The following LPP variants were observed in gnomAD, a reference collection of about 807,000 sequenced individuals.
The protein encoded by LPP is LIM domain containing preferred translocation partner in lipoma.
Under a neutral mutation model 60.4 loss-of-function variants are expected in LPP, and 38 were observed. That is an observed-to-expected ratio of 0.63 (90% CI 0.49 to 0.83). The LOEUF (loss-of-function observed/expected upper bound fraction) is 0.83, where lower values mean the gene tolerates loss of function less well. Among genes scored for constraint, LPP ranks in the 40% least tolerant of loss-of-function variants. The pLI, the probability that LPP is intolerant of heterozygous loss-of-function variation, is 0.00. For synonymous variants in LPP, 328 were observed against 290.8 expected, an observed-to-expected ratio of 1.13 and a Z score of -1.30; for missense variants, 902 against 783.6, an observed-to-expected ratio of 1.15 and a Z score of -1.80.
chr3:188,523,214 C>G (rs116124724), intron 5 of LPP, among the ~76,000 whole-genome samples: 1 of 152,110 alleles, frequency 6.6e-6, no homozygotes, highest in African/African-American at 2.4e-5. Context: ...TCCTGAAATC[C>G]ATGTTTAAAG....
chr3:188,756,892 G>A (rs11710651), intron 8 of LPP, among the ~76,000 whole-genome samples: 1 of 152,172 alleles, frequency 6.6e-6, no homozygotes, highest in African/African-American at 2.4e-5. Context: ...TCATTCCTTA[G>A]GAATACAATA....
chr3:188,731,105 G>A (rs1056844742), intron 8 of LPP, among the ~76,000 whole-genome samples: 10 of 152,130 alleles, frequency 6.6e-5, no homozygotes, highest in African/African-American at 2.2e-4. Context: ...TCAAGCATTT[G>A]GACATGGTCC....
intron 2 of LPP, among the ~76,000 whole-genome samples, chr3:188,268,968 G>A (rs1560180254): frequency 6.6e-6 from 1 of 152,150 alleles, no homozygotes; most frequent in Non-Finnish European, 1.5e-5. Flanking sequence ...TAAATAACTT[G>A]CTCAAGGTTA....
At chr3:188,516,173 G>A (rs1337249177) in intron 5 of LPP, among the ~76,000 whole-genome samples, 1 of 152,150 alleles carries the variant, frequency 6.6e-6, no homozygotes, top group Admixed American at 6.5e-5. Flanking sequence ...AGATAGATAG[G>A]TAAGGTTTTT....
At chr3:188,444,633 TG>T (rs1794790653) in intron 4 of LPP, among the ~76,000 whole-genome samples, 1 of 151,950 alleles carries the variant, frequency 6.6e-6, no homozygotes, top group African/African-American at 2.4e-5. Context: ...AATTGACAAA[TG>T]GGATCTAATT....
chr3:188,493,346 A>G (rs1187297322), intron 5 of LPP, among the ~76,000 whole-genome samples: 2 of 152,110 alleles, frequency 1.3e-5, no homozygotes, highest in African/African-American at 2.4e-5. Context: ...TGTTTGGTCT[A>G]TAGGCTTTAT....
intron 1 of LPP, among the ~76,000 whole-genome samples, chr3:188,176,204 A>G (rs1256694875): frequency 6.6e-6 from 1 of 152,198 alleles, no homozygotes; most frequent in Non-Finnish European, 1.5e-5. Flanking sequence ...GCTGTAAATC[A>G]GGCGGGACCC....
chr3:188,808,615 C>T (rs1450317724), intron 9 of LPP, among the ~76,000 whole-genome samples: 1 of 152,122 alleles, frequency 6.6e-6, no homozygotes, highest in East Asian at 1.9e-4. Flanking sequence ...TGCTGTTCCG[C>T]TCCTGAAGCC....
intron 7 of LPP, among the ~76,000 whole-genome samples, chr3:188,683,955 G>A (rs999446067): frequency 1.3e-5 from 2 of 152,218 alleles, no homozygotes; most frequent in African/African-American, 2.4e-5. Flanking sequence ...TAGACTTGAA[G>A]TCGGGAAACC....
chr3:188,466,828 T>G lies in LPP; in HGVS notation c.194-17764T>G, dbSNP rs1044310685. 1.5e-3 allele frequency among the ~76,000 whole-genome samples: 193 copies of G among 125,076 alleles called. 7 individuals are homozygous for G. Among genetic ancestry groups the G allele is most frequent in the African/African-American group, 5.7e-3 (186 of 32,790 alleles). 82.1% of individuals were successfully genotyped at this position (125,076 alleles called of 152,430 possible). On this transcript the variant is annotated intron_variant, in intron 4 of 11. Coordinates refer to ENST00000617246, the MANE Select transcript of LPP (RefSeq NM_001375462.1). ...GAACATATATATATATATATATATATATATATATATATATGCTGTGTAAAC... is the reference window on the plus strand; with the variant it reads ...GAACATATATATATATATATATATAGATATATATATATATGCTGTGTAAAC...
intron 8 of LPP, among the ~76,000 whole-genome samples, chr3:188,753,926 A>T (rs115517957): frequency 6.6e-6 from 1 of 152,156 alleles, no homozygotes; most frequent in African/African-American, 2.4e-5. Flanking sequence ...TGACAGAACT[A>T]CATGTGTCCT....
At chr3:188,333,643 C>G (rs886578699) in intron 2 of LPP, among the ~76,000 whole-genome samples, 1 of 152,130 alleles carries the variant, frequency 6.6e-6, no homozygotes, top group African/African-American at 2.4e-5. Flanking sequence ...TTTTTTTCCT[C>G]TCTACCCTGA....
At chr3:188,522,853 ATG>A (rs1175432113) in intron 5 of LPP, among the ~76,000 whole-genome samples, 304 of 135,116 alleles carry the variant, frequency 2.2e-3, no homozygotes, top group African/African-American at 8.1e-3. Context: ...ACGTGTGTGT[ATG>A]TGTGTATATA....
intron 1 of LPP, among the ~76,000 whole-genome samples, chr3:188,176,065 A>G (rs1234863703): frequency 6.6e-6 from 1 of 152,198 alleles, no homozygotes; most frequent in Non-Finnish European, 1.5e-5. Context: ...GAATTGAGAA[A>G]GCATAAGGTT....
In LPP at chr3:188,609,768, A is replaced by G. The variant is rs1055844212; in HGVS notation, c.1037A>G (p.Tyr346Cys). ...GAGNQNPPGM[Y>C]PVTGPKKTYI... Reference sequence around the variant, plus strand: ...GGGAACCAGAACCCTCCTGGGATGTATCCAGTCACTGGTCCCAAGAAGACC... The same window carrying G: ...GGGAACCAGAACCCTCCTGGGATGTGTCCAGTCACTGGTCCCAAGAAGACC... Residue 346 changes from tyrosine to cysteine, a missense_variant, in exon 7 of 12, where the codon TAT becomes TGT. Physicochemically the swap from Tyr to Cys is radical, Grantham distance 194. Transcript: ENST00000617246. The surrounding 1 kb of genome is among the most constrained non-coding windows in gnomAD (Gnocchi z 6.9). 1 of 1,613,932 alleles carries G rather than the reference A, an allele frequency of 6.2e-7. No individual in the cohort carries two copies. The highest frequency in any genetic ancestry group is 2.2e-5 in the East Asian group (1 of 44,874).
chr3:188,491,266 T>C (rs1808295042), intron 5 of LPP, among the ~76,000 whole-genome samples: 1 of 152,050 alleles, frequency 6.6e-6, no homozygotes, highest in African/African-American at 2.4e-5. Flanking sequence ...TGCCGGTTAG[T>C]GTGATAAAGG....
In LPP at chr3:188,277,775, C is replaced by T. The variant is rs539809017; in HGVS notation, c.-67+52248C>T. Reference sequence around the variant, plus strand: ...CACTCAGTCCTAGACTTCAGTGGCTCAAATGCCGAGACATGACCTCCATAT... The same window carrying T: ...CACTCAGTCCTAGACTTCAGTGGCTTAAATGCCGAGACATGACCTCCATAT... On this transcript the variant is annotated intron_variant, in intron 2 of 11. Coordinates refer to ENST00000617246, the MANE Select transcript of LPP (RefSeq NM_001375462.1). Among the ~76,000 whole-genome samples the T allele has an allele frequency of 4.6e-5, 7 of 152,282 alleles. No individual in the cohort carries two copies. In the South Asian group the frequency reaches 1.5e-3, roughly 32 times the overall value.
chr3:188,236,702 A>C (rs1206795622), intron 2 of LPP, among the ~76,000 whole-genome samples: 1 of 152,238 alleles, frequency 6.6e-6, no homozygotes, highest in African/African-American at 2.4e-5. Context: ...ATTATGTCTA[A>C]AAATACAGTA....
chr3:188,222,167 A>C (rs1235080879), intron 1 of LPP, among the ~76,000 whole-genome samples: 1 of 152,222 alleles, frequency 6.6e-6, no homozygotes, highest in Non-Finnish European at 1.5e-5. Context: ...GCATTTCCAA[A>C]AAGTTTGCTT....
Sources: allele counts gnomAD v4.1 joint callset (sites outside exome capture counted in the v4.1 genomes callset), GRCh38; gene constraint gnomAD v4.1.1; non-coding constraint Gnocchi (gnomAD v3.1); transcripts MANE v1.5; gene names NCBI Gene and HGNC (gene_info 2026-07-23, HGNC 2026-07-21).